Variants in UST observed in about 807,000 individuals in gnomAD.
UST encodes chondroitin sulfate 2-O-sulfotransferase.
In UST, 21 loss-of-function variants were observed where a neutral mutation model predicts 45.6. The observed-to-expected ratio is 0.46, with a 90% confidence interval of 0.33 to 0.66. The LOEUF (loss-of-function observed/expected upper bound fraction) is 0.66. Among genes scored for constraint, UST ranks in the 30% least tolerant of loss-of-function variants. The pLI, the probability that UST is intolerant of heterozygous loss-of-function variation, is 0.02. For missense variants in UST, 463 were observed against 512.4 expected (o/e 0.90, Z 0.93); for synonymous variants, 215 against 200.6 (o/e 1.07, Z -0.61).
chr6:148,895,458 C>T (rs750480839), intron 2 of UST, among the ~76,000 whole-genome samples: 2 of 152,172 alleles, frequency 1.3e-5, no homozygotes, highest in South Asian at 4.1e-4. Flanking sequence ...GTCTCTCAAA[C>T]AATGTGCCCC....
chr6:149,039,336 C>T (rs1296423790), intron 7 of UST, among the ~76,000 whole-genome samples: 1 of 152,186 alleles, frequency 6.6e-6, no homozygotes, highest in Non-Finnish European at 1.5e-5. Flanking sequence ...AAGAGATTCT[C>T]CTGCCTCAGC....
intron 1 of UST, among the ~76,000 whole-genome samples, chr6:148,796,797 C>CTTTTTTTTT (rs1195878764): frequency 5.5e-5 from 4 of 72,078 alleles, no homozygotes; most frequent in African/African-American, 5.6e-5. Context: ...TCTGATAATT[C>CTTTTTTTTT]TTTTTTTTTT....
chr6:148,904,505 T>C (rs1192679995), intron 2 of UST, among the ~76,000 whole-genome samples: 1 of 152,140 alleles, frequency 6.6e-6, no homozygotes, highest in African/African-American at 2.4e-5. Context: ...TTAGTGGTTA[T>C]TGACTCTTAT....
At chr6:148,957,801 G>A (rs540783837) in intron 4 of UST, among the ~76,000 whole-genome samples, 1 of 152,310 alleles carries the variant, frequency 6.6e-6, no homozygotes, top group Middle Eastern at 3.4e-3. Flanking sequence ...TAAAGATAAT[G>A]AAGCTGATCT....
chr6:149,070,495 G>A (rs9485354), intron 7 of UST, among the ~76,000 whole-genome samples: 20 of 152,192 alleles, frequency 1.3e-4, no homozygotes, highest in African/African-American at 3.6e-4. Context: ...CTATTTACAA[G>A]GATCTAGGCT....
chr6:148,983,301 C>A (rs78432853), intron 5 of UST, among the ~76,000 whole-genome samples: 186 of 152,208 alleles, frequency 1.2e-3, no homozygotes, highest in African/African-American at 4.2e-3. Context: ...ACTGGGTAGG[C>A]CCTTGACCTG....
At chr6:149,016,562 G>C (rs1188526483) in intron 5 of UST, among the ~76,000 whole-genome samples, 3 of 152,190 alleles carry the variant, frequency 2.0e-5, no homozygotes, top group Non-Finnish European at 4.4e-5. Flanking sequence ...GAGATGCAGT[G>C]AACAGTCTGT....
rs1491421087 is a variant in UST at position 148,989,210 on chromosome 6, C to CA, written c.681+24647_681+24648insA. On this transcript the variant is annotated intron_variant, in intron 5 of 7. Coordinates refer to ENST00000367463, the MANE Select transcript of UST (RefSeq NM_005715.3). ...TGGAATTACTTGACTTCAGTAAAGGCCCCCCCCCACCCCCCGCAAATGAAA... is the reference window on the plus strand; with the variant it reads ...TGGAATTACTTGACTTCAGTAAAGGCACCCCCCCCACCCCCCGCAAATGAAA... Among the ~76,000 whole-genome samples the CA allele has an allele frequency of 5.9e-3, 368 of 62,896 alleles. 2 individuals carry two copies. In the Middle Eastern group the frequency reaches 0.067, roughly 11 times the overall value. 41.3% of individuals were successfully genotyped at this position (62,896 alleles called of 152,430 possible).
intron 2 of UST, among the ~76,000 whole-genome samples, chr6:148,921,516 A>G (rs866341771): frequency 6.6e-6 from 1 of 152,198 alleles, no homozygotes; most frequent in East Asian, 1.9e-4. Flanking sequence ...CCCCAAAACA[A>G]AAACTCTACC....
At chr6:148,754,293 G>A (rs1382874661) in intron 1 of UST, among the ~76,000 whole-genome samples, 1 of 152,150 alleles carries the variant, frequency 6.6e-6, no homozygotes, top group African/African-American at 2.4e-5. Flanking sequence ...ACCGCGCCCG[G>A]CCACTGATTT....
Position 148,787,721 on chromosome 6 carries a change from G to A in UST, c.247+40044G>A, listed in dbSNP as rs150722321. Among the ~76,000 whole-genome samples the A allele has an allele frequency of 3.9e-5, 6 of 152,226 alleles. No homozygotes were observed. The East Asian group carries it at 1.2e-3, about 29-fold the overall frequency. ...TTTAAAATAGTTTTTTTCCAATTCT[G>A]TGAAGAATGTCAATGGCAGTTTAAT... On this transcript the variant is annotated intron_variant, in intron 1 of 7. Coordinates refer to ENST00000367463, the MANE Select transcript of UST (RefSeq NM_005715.3).
In UST at chr6:149,041,157, G is replaced by A. The variant is rs115434218; in HGVS notation, c.937+19676G>A. Among the ~76,000 whole-genome samples, 1,236 of 152,334 alleles carry A rather than the reference G, an allele frequency of 8.1e-3. 21 individuals carry two copies. The highest frequency in any genetic ancestry group is 0.028 in the African/African-American group (1,178 of 41,572). On this transcript the variant is annotated intron_variant, in intron 7 of 7. Transcript: ENST00000367463. ...TGGTGCACTTACTGTGGGCCAGACA[G>A]CATCATGAGGGCTTTATGGATATTG...
intron 2 of UST, among the ~76,000 whole-genome samples, chr6:148,926,961 T>C (rs1562302485): frequency 6.6e-6 from 1 of 150,872 alleles, no homozygotes; most frequent in Non-Finnish European, 1.5e-5. Context: ...TTTTTTTTCA[T>C]ATTGAAGGTG....
At chr6:148,853,859 C>A (rs1027554024) in intron 1 of UST, among the ~76,000 whole-genome samples, 1 of 152,140 alleles carries the variant, frequency 6.6e-6, no homozygotes, top group Non-Finnish European at 1.5e-5. Flanking sequence ...CTCCTGTACT[C>A]CAAGTAACAC....
chr6:149,017,463 C>T (rs1014482173), intron 5 of UST, among the ~76,000 whole-genome samples: 30 of 152,228 alleles, frequency 2.0e-4, no homozygotes, highest in Non-Finnish European at 3.7e-4. Flanking sequence ...AGTATATTCT[C>T]ATCTTCCTTT....
intron 1 of UST, among the ~76,000 whole-genome samples, chr6:148,797,053 A>C (rs1218284684): frequency 3.9e-5 from 6 of 151,966 alleles, no homozygotes; most frequent in South Asian, 2.1e-4. Context: ...GGCCACTTCC[A>C]AAGTGCTAGG....
chr6:148,887,740 G>A (rs1778939121), intron 2 of UST, among the ~76,000 whole-genome samples: 1 of 151,986 alleles, frequency 6.6e-6, no homozygotes, highest in South Asian at 2.1e-4. Context: ...TTTCCTTCTA[G>A]GAAATGATGG....
At position 148,779,736 on chromosome 6, in the gene UST, G is replaced by C. The variant is rs141219618; in HGVS notation, c.247+32059G>C. Among the ~76,000 whole-genome samples the C allele has an allele frequency of 5.6e-4, 85 of 152,312 alleles. 1 individual carries two copies. The highest frequency in any genetic ancestry group is 1.8e-3 in the African/African-American group (75 of 41,580). ...GAAAAGGACATTTTTGGTCAAATAA[G>C]TTTACAGAATAGTGAATTATTCTCT... On this transcript the variant is annotated intron_variant, in intron 1 of 7. Coordinates refer to ENST00000367463, the MANE Select transcript of UST (RefSeq NM_005715.3).
chr6:148,808,214 G>A (rs1777187669), intron 1 of UST, among the ~76,000 whole-genome samples: 1 of 152,162 alleles, frequency 6.6e-6, no homozygotes, highest in Non-Finnish European at 1.5e-5. Context: ...AGGCCGTGAG[G>A]GAGCCTAGTG....
Sources: gnomAD v4.1 joint callset for allele counts (sites outside exome capture counted in the v4.1 genomes callset) on GRCh38, gnomAD v4.1.1 for gene constraint, MANE v1.5 for transcripts, NCBI Gene and HGNC (gene_info 2026-07-23, HGNC 2026-07-21) for gene names.